PAM: variants seen among roughly 807,000 people sequenced by gnomAD.
The protein encoded by PAM is peptidyl-glycine alpha-amidating monooxygenase.
Under a neutral mutation model 122.1 loss-of-function variants are expected in PAM, and 72 were observed. The observed-to-expected ratio is 0.59, with a 90% CI of 0.49 to 0.72. PAM has a LOEUF of 0.72. Among genes scored for constraint, PAM ranks in the 30% least tolerant of loss-of-function variants. The pLI, the probability that PAM is intolerant of heterozygous loss-of-function variation, is 0.00. For synonymous variants in PAM, 389 were observed against 404.4 expected (o/e 0.96, Z 0.46); for missense variants, 1,106 against 1,183.7 (o/e 0.93, Z 0.96).
chr5:102,942,109 C>T (rs749484083), intron 7 of PAM, among the ~76,000 whole-genome samples: 5 of 151,754 alleles, frequency 3.3e-5, no homozygotes, highest in African/African-American at 1.2e-4. Context: ...ACACAGCTGA[C>T]AGCAATCTGT....
At chr5:102,991,607 G>A (rs147578497) in intron 16 of PAM, among the ~76,000 whole-genome samples, 24 of 152,118 alleles carry the variant, frequency 1.6e-4, no homozygotes, top group Middle Eastern at 3.4e-3. Context: ...TTGTGCAGTC[G>A]AAGATGAAAT....
intron 7 of PAM, among the ~76,000 whole-genome samples, chr5:102,929,068 G>A (rs568970122): frequency 6.6e-6 from 1 of 152,214 alleles, no homozygotes; most frequent in East Asian, 1.9e-4. Context: ...TGATGAATAA[G>A]AAAGGTAGGA....
At position 102,761,650 on chromosome 5, in the gene PAM, C is replaced by T. The variant is rs376743462; in HGVS notation, c.-374+6302C>T. ...ATAGTACTCATTTGTAGTGCAGTAA[C>T]ATTTTACTTATATAAAGATTAATTC... On this transcript the variant is annotated intron_variant, in intron 1 of 25. Coordinates refer to ENST00000438793, the MANE Select transcript of PAM (RefSeq NM_001177306.2). Among the ~76,000 whole-genome samples, 56 of 152,260 alleles carry T rather than the reference C, an allele frequency of 3.7e-4. No homozygotes were observed. In the South Asian group the frequency reaches 4.6e-3, roughly 12 times the overall value.
intron 16 of PAM, among the ~76,000 whole-genome samples, chr5:102,996,765 A>G (rs1015183356): frequency 6.6e-6 from 1 of 152,216 alleles, no homozygotes; most frequent in African/African-American, 2.4e-5. Flanking sequence ...TGAACTGGTC[A>G]GGCCTATTAT....
chr5:102,941,612 G>T (rs1004813232), intron 7 of PAM, among the ~76,000 whole-genome samples: 3 of 151,834 alleles, frequency 2.0e-5, no homozygotes, highest in Non-Finnish European at 4.4e-5. Context: ...ATTTTATCTC[G>T]ATGTATCTGT....
chr5:103,001,365 G>C (rs1023154997), intron 16 of PAM, among the ~76,000 whole-genome samples: 4 of 151,710 alleles, frequency 2.6e-5, no homozygotes, highest in African/African-American at 7.3e-5. Flanking sequence ...TCTTACATTG[G>C]TTCCTATCTA....
chr5:102,968,569 C>T (rs892114116), intron 14 of PAM, among the ~76,000 whole-genome samples: 31 of 152,106 alleles, frequency 2.0e-4, no homozygotes, highest in African/African-American at 7.2e-4. Flanking sequence ...TTAACTCTGT[C>T]AACAATTGGT....
At chr5:102,997,128 ATGAG>A (rs1380882275) in intron 16 of PAM, among the ~76,000 whole-genome samples, 1 of 152,204 alleles carries the variant, frequency 6.6e-6, no homozygotes, top group East Asian at 1.9e-4. Context: ...TATAGATGAC[ATGAG>A]TGTAATTTGT....
At chr5:102,886,654 T>C (rs193164127) in intron 3 of PAM, among the ~76,000 whole-genome samples, 2 of 152,188 alleles carry the variant, frequency 1.3e-5, no homozygotes, top group Admixed American at 6.6e-5. Context: ...ATATTGTCAC[T>C]AATTATAGTG....
chr5:102,931,807 ACT>A (rs60775669), intron 7 of PAM, among the ~76,000 whole-genome samples: 1,480 of 140,494 alleles, frequency 0.011, 11 homozygotes, highest in Non-Finnish European at 0.016. Context: ...CAAACAACAC[ACT>A]CTCTCTCTCT....
chr5:102,897,510 T>C (rs1796549475), intron 3 of PAM, among the ~76,000 whole-genome samples: 1 of 151,746 alleles, frequency 6.6e-6, no homozygotes, highest in African/African-American at 2.4e-5. Context: ...TTTTTATTTT[T>C]ATTGTTTGGT....
At chr5:102,922,098 T>TTAAG (rs1374520634) in intron 5 of PAM, among the ~76,000 whole-genome samples, 1 of 152,152 alleles carries the variant, frequency 6.6e-6, no homozygotes, top group Non-Finnish European at 1.5e-5. Flanking sequence ...ATTCAGCTCT[T>TTAAG]TAAGTCTCTG....
Position 102,846,232 on chromosome 5 carries a change from T to C in PAM, c.-373-19591T>C, listed in dbSNP as rs111611455. Reference sequence around the variant, plus strand: ...TTTGCCCCCAACTTCCATTTCAGCCTCCAGGTCACTGCCAGAATGAGCTTG... The same window carrying C: ...TTTGCCCCCAACTTCCATTTCAGCCCCCAGGTCACTGCCAGAATGAGCTTG... On this transcript the variant is annotated intron_variant, in intron 1 of 25. Coordinates refer to ENST00000438793, the MANE Select transcript of PAM (RefSeq NM_001177306.2). 1.0e-3 allele frequency among the ~76,000 whole-genome samples: 158 copies of C among 152,294 alleles called. 1 individual carries two copies. Among genetic ancestry groups the C allele is most frequent in the African/African-American group, 3.5e-3 (147 of 41,570 alleles).
Position 103,025,220 on chromosome 5 carries a change from G to A in PAM, c.2575G>A (p.Glu859Lys). The A allele has an allele frequency of 6.2e-7, 1 of 1,613,698 alleles. No individual in the cohort carries two copies. Among genetic ancestry groups the A allele is most frequent in the Non-Finnish European group, 8.5e-7 (1 of 1,179,646 alleles). Residue 859 changes from glutamate (E) to lysine (K), a missense_variant, in exon 24 of 26, where the codon GAG becomes AAG. By Grantham distance (56) the Glu-to-Lys change is moderately conservative (BLOSUM62 1). Transcript: ENST00000438793. ...GCAAGAGAAACAGAAACTGATCAAA[G>A]AGCCAGGCTCGGGAGTGCCTGTTGT... Reference protein sequence around the residue: ...KMQEKQKLIKEPGSGVPVVLI... With the variant: ...KMQEKQKLIKKPGSGVPVVLI...
intron 1 of PAM, among the ~76,000 whole-genome samples, chr5:102,790,537 C>T (rs1056568356): frequency 6.6e-6 from 1 of 151,950 alleles, no homozygotes; most frequent in Non-Finnish European, 1.5e-5. Flanking sequence ...TGATGAGAAA[C>T]CTATCCTAAT....
intron 1 of PAM, among the ~76,000 whole-genome samples, chr5:102,828,613 G>C (rs1774379687): frequency 6.6e-6 from 1 of 152,136 alleles, no homozygotes. Flanking sequence ...ATCTAGGGCA[G>C]TAGCGAGGGT....
At chr5:102,930,281 T>C (rs1275363059) in intron 7 of PAM, among the ~76,000 whole-genome samples, 10 of 152,178 alleles carry the variant, frequency 6.6e-5, no homozygotes, top group African/African-American at 2.4e-4. Context: ...AGTGTGTTTA[T>C]AGGCAATAAT....
intron 3 of PAM, among the ~76,000 whole-genome samples, chr5:102,880,211 A>G (rs1790523779): frequency 1.3e-5 from 2 of 151,974 alleles, no homozygotes. Context: ...AGCCTGGGAG[A>G]TGGAGGTTGC....
intron 14 of PAM, among the ~76,000 whole-genome samples, chr5:102,970,385 C>T (rs1297501733): frequency 6.6e-6 from 1 of 152,124 alleles, no homozygotes; most frequent in Non-Finnish European, 1.5e-5. Context: ...TAGATTACAT[C>T]CATTATTACA....
Sources: allele counts gnomAD v4.1 joint callset (sites outside exome capture counted in the v4.1 genomes callset), GRCh38; gene constraint gnomAD v4.1.1; transcripts MANE v1.5; gene names NCBI Gene and HGNC (gene_info 2026-07-23, HGNC 2026-07-21).